TGFBR3: variants seen among roughly 807,000 people sequenced by gnomAD.
TGFBR3 encodes the protein transforming growth factor beta receptor 3, also known as transforming growth factor beta receptor type 3.
TGFBR3 carries 46 observed loss-of-function variants against 87.9 expected under a neutral mutation model. That is an observed-to-expected ratio of 0.52 (90% CI 0.41 to 0.67). The LOEUF (loss-of-function observed/expected upper bound fraction) is 0.67. TGFBR3 is among the 30% of genes least tolerant of loss of function. The pLI is 0.00. For missense variants in TGFBR3, 866 were observed against 1,041.9 expected (o/e 0.83, Z 2.32); for synonymous variants, 381 against 391.6 (o/e 0.97, Z 0.32).
At chr1:91,688,590 G>T (rs761289506) in intron 16 of TGFBR3, among the ~76,000 whole-genome samples, 1 of 152,102 alleles carries the variant, frequency 6.6e-6, no homozygotes, top group Non-Finnish European at 1.5e-5. Context: ...GCTCTGATGT[G>T]TAAGCAGAAA....
intron 2 of TGFBR3, among the ~76,000 whole-genome samples, chr1:91,810,369 C>T (rs1279347259): frequency 6.6e-6 from 1 of 152,140 alleles, no homozygotes; most frequent in African/African-American, 2.4e-5. Context: ...CAGAACTACA[C>T]TTTTGTATTG....
At chr1:91,710,535 G>A (rs1671943173) in intron 13 of TGFBR3, among the ~76,000 whole-genome samples, 1 of 152,146 alleles carries the variant, frequency 6.6e-6, no homozygotes. Context: ...AACAATCTCT[G>A]AGATCTCTTC....
chr1:91,699,411 CTCTT>C (rs1430416186), intron 14 of TGFBR3, among the ~76,000 whole-genome samples: 2 of 138,910 alleles, frequency 1.4e-5, no homozygotes, highest in Admixed American at 7.5e-5. Context: ...AGTTCTCTCT[CTCTT>C]TTTCTCTTTC....
intron 1 of TGFBR3, among the ~76,000 whole-genome samples, chr1:91,902,611 T>TTTCTTTTTTTTTTCTCAC (rs1553178266): frequency 6.6e-6 from 1 of 151,724 alleles, no homozygotes; most frequent in African/African-American, 2.4e-5. Context: ...TTTTCTTTTC[T>TTTCTTTTTTTTTTCTCAC]TTCTTTTTTT....
intron 3 of TGFBR3, among the ~76,000 whole-genome samples, chr1:91,788,341 G>C (rs1055097948): frequency 7.2e-5 from 11 of 152,218 alleles, no homozygotes; most frequent in African/African-American, 2.7e-4. Flanking sequence ...AGGCCACAGA[G>C]AGGGAAGAAG....
intron 2 of TGFBR3, among the ~76,000 whole-genome samples, chr1:91,825,009 G>A (rs1483166406): frequency 1.3e-5 from 2 of 152,158 alleles, no homozygotes; most frequent in Non-Finnish European, 2.9e-5. Context: ...GAGTTTGGCA[G>A]TTCTTCAAAG....
intron 2 of TGFBR3, among the ~76,000 whole-genome samples, chr1:91,808,043 A>C (rs570170245): frequency 2.9e-4 from 44 of 152,374 alleles, no homozygotes; most frequent in African/African-American, 1.1e-3. Context: ...AATGATTAAT[A>C]AAATATCTAA....
At chr1:91,888,935 G>A (rs1679390107), upstream of TGFBR3, among the ~76,000 whole-genome samples, 1 of 151,926 alleles carries the variant, frequency 6.6e-6, no homozygotes, top group South Asian at 2.1e-4. Flanking sequence ...AGGCTGGAGT[G>A]CAGTGGCGCA....
chr1:91,808,782 A>T (rs974685471), intron 2 of TGFBR3, among the ~76,000 whole-genome samples: 1 of 152,260 alleles, frequency 6.6e-6, no homozygotes, highest in African/African-American at 2.4e-5. Flanking sequence ...CTTTTGACCA[A>T]TAATATGGTG....
In TGFBR3 at chr1:91,683,633, C is replaced by A; in HGVS notation, c.*106G>T. On this transcript the variant is annotated 3_prime_UTR_variant, in exon 17 of 17. Coordinates refer to ENST00000212355, the MANE Select transcript of TGFBR3 (RefSeq NM_003243.5). ...TCTGTCTTTACAAGGGAACCAAAAT[C>A]CAGCCCTCTGAGTCTGGACACGAGG... 1 of 929,136 alleles carries A rather than the reference C, an allele frequency of 1.1e-6. No individual in the cohort carries two copies. 57.6% of individuals were successfully genotyped at this position (929,136 alleles called of 1,614,324 possible). A position where few individuals can be genotyped will look rare whatever the true frequency, so the allele number is the denominator to read the frequency against.
intron 3 of TGFBR3, among the ~76,000 whole-genome samples, chr1:91,790,590 A>T (rs1012738874): frequency 1.3e-5 from 2 of 152,182 alleles, no homozygotes; most frequent in African/African-American, 4.8e-5. Context: ...TTATATGCGG[A>T]ATGTATTTGT....
At chr1:91,730,211 C>T (rs1295994153) in intron 5 of TGFBR3, among the ~76,000 whole-genome samples, 1 of 152,134 alleles carries the variant, frequency 6.6e-6, no homozygotes, top group African/African-American at 2.4e-5. Flanking sequence ...AAATCTTCTC[C>T]TTGCATGTTC....
At chr1:91,898,378 C>T (rs1679598569) in intron 2 of TGFBR3, among the ~76,000 whole-genome samples, 1 of 152,012 alleles carries the variant, frequency 6.6e-6, no homozygotes, top group Admixed American at 6.6e-5. Flanking sequence ...TAAATAAAAA[C>T]GTTACATAAG....
At chr1:91,699,919 A>G (rs2100728252) in intron 14 of TGFBR3, among the ~76,000 whole-genome samples, 1 of 152,346 alleles carries the variant, frequency 6.6e-6, no homozygotes, top group Middle Eastern at 3.4e-3. Context: ...ATGGTCCACC[A>G]CCTATTTTTG....
chr1:91,719,020 G>A (rs1208765113), intron 10 of TGFBR3, among the ~76,000 whole-genome samples: 1 of 152,106 alleles, frequency 6.6e-6, no homozygotes, highest in African/African-American at 2.4e-5. Flanking sequence ...AGTTGAGCTT[G>A]GGCACTGAGA....
chr1:91,771,216 C>A (rs1674366754), intron 3 of TGFBR3, among the ~76,000 whole-genome samples: 1 of 152,152 alleles, frequency 6.6e-6, no homozygotes, highest in African/African-American at 2.4e-5. Flanking sequence ...ATTTACTATT[C>A]ATTCCTCAGA....
chr1:91,765,953 GATCACTTTTTGTTTTTAACACTAATATGT>G (rs2100917945), intron 3 of TGFBR3, among the ~76,000 whole-genome samples: 1 of 152,188 alleles, frequency 6.6e-6, no homozygotes, highest in African/African-American at 2.4e-5. Context: ...CATCCATTCA[GATCACTTTTTGTTTTTAACACTAATATGT>G]AACCAAAGCC....
intron 16 of TGFBR3, among the ~76,000 whole-genome samples, chr1:91,692,147 A>T (rs1318728933): frequency 6.6e-6 from 1 of 152,272 alleles, no homozygotes; most frequent in African/African-American, 2.4e-5. Context: ...AGTCATAATA[A>T]TGTAAACAGT....
chr1:91,698,008 G>T, intron 15 of TGFBR3, 81 bp downstream of exon 15: 1 of 1,349,140 alleles, frequency 7.4e-7, no homozygotes, highest in Non-Finnish European at 1.1e-6. Flanking sequence ...AAAACTCAAA[G>T]TTTGGCAAAT....
Sources: gnomAD v4.1 joint callset for allele counts (sites outside exome capture counted in the v4.1 genomes callset) on GRCh38, gnomAD v4.1.1 for gene constraint, MANE v1.5 for transcripts, NCBI Gene and HGNC (gene_info 2026-07-23, HGNC 2026-07-21) for gene names.